Variants in HNRNPDL observed in about 807,000 individuals in gnomAD.
The protein encoded by HNRNPDL is heterogeneous nuclear ribonucleoprotein D-like.
HNRNPDL carries 18 observed loss-of-function variants against 48.0 expected under a neutral mutation model. That is an observed-to-expected ratio of 0.38 (90% CI 0.26 to 0.56). HNRNPDL has a LOEUF of 0.56. Ranked by LOEUF, HNRNPDL falls within the 20% of genes least tolerant of loss-of-function variation. The probability of loss-of-function intolerance (pLI) is 0.77; values close to 1 mark genes in which losing one functional copy is unlikely to be tolerated. For missense variants in HNRNPDL, 553 were observed against 540.7 expected, an observed-to-expected ratio of 1.02 and a Z score of -0.23; for synonymous variants, 306 against 207.3, an observed-to-expected ratio of 1.48 and a Z score of -4.09.
intron 6 of HNRNPDL, 144 bp from the exon 7 acceptor site, chr4:82,426,273 TCATA>T: frequency 1.2e-6 from 1 of 866,696 alleles, no homozygotes; most frequent in East Asian, 2.6e-5. Context: ...TACTCATAAA[TCATA>T]CATCCTAGTT....
chr4:82,428,706 A>G (rs1261169640), intron 1 of HNRNPDL, among the ~76,000 whole-genome samples: 2 of 152,228 alleles, frequency 1.3e-5, no homozygotes, highest in African/African-American at 4.8e-5. Flanking sequence ...TTCTGCCCAG[A>G]TTCCTTTAGG....
At chr4:82,426,013 G>A (rs1721391413) in intron 7 of HNRNPDL, 24 bp downstream of exon 7, 2 of 1,377,302 alleles carry the variant, frequency 1.5e-6, no homozygotes, top group Non-Finnish European at 2.1e-6. Context: ...CATTTCTACT[G>A]TTTTCCTGTA....
chr4:82,429,809 G>C lies in HNRNPDL; in HGVS notation c.-119C>G. 2 of 695,012 alleles carry C rather than the reference G, an allele frequency of 2.9e-6. No individual in the cohort carries two copies. The highest frequency in any genetic ancestry group is 4.1e-6 in the Non-Finnish European group (2 of 484,122). The allele number at this position is 695,012 out of a possible 1,614,324, so 43.1% of individuals were successfully genotyped here. On this transcript the variant is annotated 5_prime_UTR_variant, in exon 1 of 8. Transcript: ENST00000295470. The stretch of plus-strand genomic sequence containing the variant: ...TTCCTGGGGTCAGCAGTCCCGAGCA[G>C]AGCCGACGCAGGGCCACAGTCCCTC...
rs1721249528 is a variant in HNRNPDL, at chr4:82,423,020, G to T, written c.*1886C>A. On this transcript the variant is annotated 3_prime_UTR_variant, in exon 8 of 8. Transcript: ENST00000295470. ...TATCTGTTCAAATTTGCATCAGTTG[G>T]TGAACTGATAGACCCTGAAATCTGA... 1 of 152,126 alleles carries T rather than the reference G, an allele frequency of 6.6e-6. No individual in the cohort carries two copies. Among genetic ancestry groups the T allele is most frequent in the African/African-American group, 2.4e-5 (1 of 41,412 alleles). The allele number at this position is 152,126 out of a possible 1,614,324, so 9.4% of individuals were successfully genotyped here.
rs1721280119 is a variant in HNRNPDL at position 82,423,555 on chromosome 4, A to AT, written c.*1350dup. The AT allele has an allele frequency of 1.3e-5, 2 of 151,950 alleles. No individual in the cohort carries two copies. Among genetic ancestry groups the AT allele is most frequent in the South Asian group, 4.2e-4 (2 of 4,816 alleles). 9.4% of individuals were successfully genotyped at this position (151,950 alleles called of 1,614,324 possible). On this transcript the variant is annotated 3_prime_UTR_variant, in exon 8 of 8. Coordinates refer to ENST00000295470, the MANE Select transcript of HNRNPDL (RefSeq NM_031372.4). The stretch of plus-strand genomic sequence containing the variant: ...AAAAAAAAAGGGAGGGCTCATGAGC[A>AT]TAAGAAACTTACCAGTTTTGTGAGA...
intron 1 of HNRNPDL, among the ~76,000 whole-genome samples, 169 bp downstream of exon 1, chr4:82,429,079 G>A (rs763856573): frequency 4.6e-5 from 7 of 152,034 alleles, no homozygotes; most frequent in Non-Finnish European, 5.9e-5. Context: ...GGTCTCTCCA[G>A]TCACCCCCTC....
At chr4:82,425,116 T>C (rs1351886461) in intron 7 of HNRNPDL, 1 of 152,180 alleles carries the variant, frequency 6.6e-6, no homozygotes, top group Non-Finnish European at 1.5e-5. Flanking sequence ...AACCTTCCCA[T>C]ATTCAGAGGT....
rs763589139 is a variant in HNRNPDL at position 82,429,406 on chromosome 4, T to G, written c.285A>C (p.Ile95=). Residue 95 remains isoleucine, a synonymous_variant, in exon 1 of 8, where the codon ATA becomes ATC. Coordinates refer to ENST00000295470, the MANE Select transcript of HNRNPDL (RefSeq NM_031372.4). ...CGGCAGCAGCGGCGGCGGAGCGTTG[T>G]ATGGAGCTGGATTTAAAATGGCGGC... is the stretch of plus-strand genomic sequence containing the variant. ...LFRRHFKSSS[I]QRSAAAAAAT... 6.2e-7 allele frequency: 1 copy of G among 1,613,098 alleles called. No homozygotes were observed. The highest frequency in any genetic ancestry group is 8.5e-7 in the Non-Finnish European group (1 of 1,179,708).
At position 82,429,677 on chromosome 4, in the gene HNRNPDL, G is replaced by T; in HGVS notation, c.14C>A (p.Pro5His). The change falls in exon 1 of 8, where the codon CCC becomes CAC. Residue 5 changes from proline (P) to histidine (H), a missense_variant. This residue lies in a region of HNRNPDL where 327 missense variants were observed against 203.2 expected (regional missense o/e 1.61). Coordinates refer to ENST00000295470, the MANE Select transcript of HNRNPDL (RefSeq NM_031372.4). ...TGGCGGCGGCACATGGGAAAGCCTG[G>T]GCGGGACCTCCATCGCGGCCCTCCC... MEVPPRLSHVPPPLF... is the reference protein window; with the variant it reads MEVPHRLSHVPPPLF... The T allele has an allele frequency of 7.4e-7, 1 of 1,357,492 alleles. No homozygotes were observed. 84.1% of individuals were successfully genotyped at this position (1,357,492 alleles called of 1,614,324 possible).
At chr4:82,429,042 C>A (rs940977661) in intron 1 of HNRNPDL, among the ~76,000 whole-genome samples, 3 of 152,120 alleles carry the variant, frequency 2.0e-5, no homozygotes, top group Non-Finnish European at 4.4e-5. Flanking sequence ...CTCCTCCAAC[C>A]CCTCCGCCCT....
At position 82,429,727 on chromosome 4, in the gene HNRNPDL, G is replaced by C. The variant is rs1721634280; in HGVS notation, c.-37C>G. 3 of 1,315,936 alleles carry C rather than the reference G, an allele frequency of 2.3e-6. No individual in the cohort carries two copies. The highest frequency in any genetic ancestry group is 3.1e-5 in the African/African-American group (2 of 64,424). The allele number at this position is 1,315,936 out of a possible 1,614,324, so 81.5% of individuals were successfully genotyped here. Reference sequence around the variant, plus strand: ...CGGCAAGGAGAGAGGCCACGCGTGAGGGGACGCGGGCTTGGGAGAAGAGAA... The same window carrying C: ...CGGCAAGGAGAGAGGCCACGCGTGACGGGACGCGGGCTTGGGAGAAGAGAA... On this transcript the variant is annotated 5_prime_UTR_variant, in exon 1 of 8. Coordinates refer to ENST00000295470, the MANE Select transcript of HNRNPDL (RefSeq NM_031372.4).
chr4:82,428,742 T>C lies in HNRNPDL; in HGVS notation c.444-296A>G, dbSNP rs79854604. Among the ~76,000 whole-genome samples, 284 of 152,332 alleles carry C rather than the reference T, an allele frequency of 1.9e-3. 2 individuals are homozygous for C. The highest frequency in any genetic ancestry group is 6.4e-3 in the African/African-American group (265 of 41,568). ...TAGAAGGCACAACTTCCTAGATGAA[T>C]CCCTCACATCTTATCTTACTTAGGT... is the stretch of plus-strand genomic sequence containing the variant. On this transcript the variant is annotated intron_variant, in intron 1 of 7. Transcript: ENST00000295470.
chr4:82,429,472 C>T lies in HNRNPDL; in HGVS notation c.219G>A (p.Ala73=), dbSNP rs1374229604. The change falls in exon 1 of 8, where the codon GCG becomes GCA. Residue 73 remains alanine (A), a synonymous_variant. Coordinates refer to ENST00000295470, the MANE Select transcript of HNRNPDL (RefSeq NM_031372.4). ...AQQPSRLAGG[A]AIKGGRRRRP... ...GCCGCCTGCGCCCTCCCTTTATAGC[C>T]GCCCCGCCCGCCAATCGGGAGGGCT... is the stretch of plus-strand genomic sequence containing the variant. 6 of 1,576,372 alleles carry T rather than the reference C, an allele frequency of 3.8e-6. No homozygotes were observed. Among genetic ancestry groups the T allele is most frequent in the South Asian group, 1.1e-5 (1 of 88,982 alleles).
chr4:82,429,354 G>C lies in HNRNPDL; in HGVS notation c.337C>G (p.Pro113Ala), dbSNP rs141595181. The C allele has an allele frequency of 1.1e-5, 18 of 1,613,592 alleles. No individual in the cohort carries two copies. The highest frequency in any genetic ancestry group is 1.6e-4 in the Middle Eastern group (1 of 6,082). Reference protein sequence around the residue: ...AATRTARQHPPADSSVTMEDM... With the variant: ...AATRTARQHPAADSSVTMEDM... The stretch of plus-strand genomic sequence containing the variant: ...TCCATAGTGACGGAGCTGTCGGCAG[G>C]GGGGTGCTGGCGCGCAGTCCGGGTC... The change falls in exon 1 of 8, where the codon CCT (proline) becomes GCT (alanine). Residue 113 changes from proline to alanine, a missense_variant. Around this residue, in one of 4 missense-constraint regions of HNRNPDL, gnomAD observed 327 missense variants for 203.2 expected, o/e 1.61. Transcript: ENST00000295470.
At chr4:82,425,848 AAAGTGAGAT>A (rs1721384671) in intron 7 of HNRNPDL, 180 bp downstream of exon 7, 2 of 531,112 alleles carry the variant, frequency 3.8e-6, no homozygotes, top group Non-Finnish European at 6.7e-6. Context: ...AATACTAAAG[AAAGTGAGAT>A]AAGACTTTAA....
At position 82,428,411 on chromosome 4, in the gene HNRNPDL, C is replaced by G. The variant is rs1234147938; in HGVS notation, c.479G>C (p.Ser160Thr). ...MFIGGLSWDT[S>T]KKDLTEYLSR... ...CAAGTACTCTGTCAGATCTTTTTTG[C>G]TTGTATCCCAGCTCAAGCCTCCAAT... is the stretch of plus-strand genomic sequence containing the variant. The change falls in exon 2 of 8, where the codon AGC becomes ACC. Residue 160 changes from serine (S) to threonine (T), a missense_variant. This residue lies in a region of HNRNPDL where 43 missense variants were observed against 104.0 expected (regional missense o/e 0.41). Transcript: ENST00000295470. 1 of 1,611,520 alleles carries G rather than the reference C, an allele frequency of 6.2e-7. No homozygotes were observed. The highest frequency in any genetic ancestry group is 1.3e-5 in the African/African-American group (1 of 74,864).
rs1297909349 is a variant in HNRNPDL, at chr4:82,429,659, G to A, written c.32C>T (p.Pro11Leu). Residue 11 changes from proline to leucine, a missense_variant, in exon 1 of 8, where the codon CCG becomes CTG. Pro to Leu is a moderately conservative substitution (Grantham distance 98, BLOSUM62 -3). Transcript: ENST00000295470. MEVPPRLSHV[P>L]PPLFPSAPAT... ...GGGAGCGGAGGGGAACAATGGCGGCGGCACATGGGAAAGCCTGGGCGGGAC... is the reference window on the plus strand; with the variant it reads ...GGGAGCGGAGGGGAACAATGGCGGCAGCACATGGGAAAGCCTGGGCGGGAC... The A allele has an allele frequency of 2.2e-6, 3 of 1,366,252 alleles. No individual in the cohort carries two copies. The highest frequency in any genetic ancestry group is 3.1e-5 in the African/African-American group (2 of 65,174). 84.6% of individuals were successfully genotyped at this position (1,366,252 alleles called of 1,614,324 possible). A position where few individuals can be genotyped will look rare whatever the true frequency, so the allele number is the denominator to read the frequency against.
At position 82,427,198 on chromosome 4, in the gene HNRNPDL, C is replaced by T. The variant is rs1578083881; in HGVS notation, c.1013G>A (p.Arg338His). Residue 338 changes from arginine to histidine, a missense_variant, in exon 5 of 8, where the codon CGT (arginine) becomes CAT (histidine). Physicochemically the swap from Arg to His is conservative, Grantham distance 29. Around this residue, in one of 4 missense-constraint regions of HNRNPDL, gnomAD observed 174 missense variants for 204.6 expected, o/e 0.85. Coordinates refer to ENST00000295470, the MANE Select transcript of HNRNPDL (RefSeq NM_031372.4). ...CAAGAATTAAGTCTCACCTCGGCCA[C>T]GACCCCTCGTACCACCTCGTCCACC... is the stretch of plus-strand genomic sequence containing the variant. ...AAGGRGGTRG[R>H]GRGQGQNWNQ... is the part of the protein sequence containing the mutation. The T allele has an allele frequency of 2.5e-6, 4 of 1,608,990 alleles. No individual in the cohort carries two copies. Among genetic ancestry groups the T allele is most frequent in the Non-Finnish European group, 2.6e-6 (3 of 1,175,766 alleles).
chr4:82,423,225 TATTC>T lies in HNRNPDL; in HGVS notation c.*1677_*1680del, dbSNP rs779520094. 2 of 152,254 alleles carry T rather than the reference TATTC, an allele frequency of 1.3e-5. No homozygotes were observed. The highest frequency in any genetic ancestry group is 4.8e-5 in the African/African-American group (2 of 41,466). 9.4% of individuals were successfully genotyped at this position (152,254 alleles called of 1,614,324 possible). On this transcript the variant is annotated 3_prime_UTR_variant, in exon 8 of 8. Coordinates refer to ENST00000295470, the MANE Select transcript of HNRNPDL (RefSeq NM_031372.4). The stretch of plus-strand genomic sequence containing the variant: ...GTTTGGATTTTGTTTAAAAAGGCTT[TATTC>T]ATTTTTTGATCAGGGAAAAGGACAA...
Sources: gnomAD v4.1 joint callset for allele counts (sites outside exome capture counted in the v4.1 genomes callset) on GRCh38, gnomAD v4.1.1 for gene constraint, gnomAD v4.1.1 regional missense constraint, MANE v1.5 for transcripts, NCBI Gene and HGNC (gene_info 2026-07-23, HGNC 2026-07-21) for gene names.